Variants in DPPA4 observed in about 807,000 individuals in gnomAD.
DPPA4 encodes developmental pluripotency associated 4, also known as developmental pluripotency-associated protein 4.
DPPA4 carries 22 observed loss-of-function variants against 33.7 expected under a neutral mutation model. The ratio of observed to expected loss-of-function variants is 0.65; its 90% confidence interval spans 0.47 to 0.93. DPPA4 has a LOEUF of 0.93. DPPA4 is among the 40% of genes least tolerant of loss of function. DPPA4 has a pLI of 0.00. For missense variants in DPPA4, 340 were observed against 358.6 expected, an observed-to-expected ratio of 0.95 and a Z score of 0.42; for synonymous variants, 156 against 132.3, an observed-to-expected ratio of 1.18 and a Z score of -1.23.
intron 6 of DPPA4, 86 bp downstream of exon 6, chr3:109,328,804 T>C (rs1707990139): frequency 2.5e-6 from 3 of 1,185,002 alleles, no homozygotes; most frequent in Non-Finnish European, 3.6e-6. Context: ...AATACCTGGC[T>C]ATTTAAGATT....
Position 109,332,006 on chromosome 3 carries a change from C to T in DPPA4, c.204G>A (p.Glu68=). The T allele has an allele frequency of 6.2e-7, 1 of 1,613,826 alleles. No homozygotes were observed. The highest frequency in any genetic ancestry group is 1.1e-5 in the South Asian group (1 of 91,040). Residue 68 remains glutamate, a synonymous_variant, in exon 3 of 7, where the codon GAG becomes GAA. Coordinates refer to ENST00000335658, the MANE Select transcript of DPPA4 (RefSeq NM_018189.4). ...SKVLCPKKKA[E]HTDNPRPQKK... ...TCTGAGGTCTGGGGTTGTCAGTGTG[C>T]TCTGCCTTTTTCTTAGGGCAGAGCA...
chr3:109,329,808 A>G (rs1708019169), intron 5 of DPPA4: 1 of 152,422 alleles, frequency 6.6e-6, no homozygotes, highest in South Asian at 2.1e-4. Context: ...GAAATATTTT[A>G]AATAACTTAT....
rs1707931727 is a variant in DPPA4, at chr3:109,326,243, A to G, written c.*1745T>C. On this transcript the variant is annotated 3_prime_UTR_variant, in exon 7 of 7. Transcript: ENST00000335658. ...TATCTACAAGCAGAATCGTAAAGCC[A>G]AGGACATTTCCAAATTAATAGAAAG... is the stretch of plus-strand genomic sequence containing the variant. 1 of 151,442 alleles carries G rather than the reference A, an allele frequency of 6.6e-6. No homozygotes were observed. Among genetic ancestry groups the G allele is most frequent in the Admixed American group, 6.6e-5 (1 of 15,248 alleles). 9.4% of individuals were successfully genotyped at this position (151,442 alleles called of 1,614,324 possible).
At position 109,330,683 on chromosome 3, in the gene DPPA4, C is replaced by A. The variant is rs1303329378; in HGVS notation, c.520G>T (p.Gly174Trp). The A allele has an allele frequency of 1.2e-6, 2 of 1,614,014 alleles. No individual in the cohort carries two copies. The highest frequency in any genetic ancestry group is 1.7e-6 in the Non-Finnish European group (2 of 1,180,012). The change falls in exon 5 of 7, where the codon GGG becomes TGG. Residue 174 changes from glycine (G) to tryptophan (W), a missense_variant. By Grantham distance (184) the Gly-to-Trp change is radical. Around this residue, in one of 3 missense-constraint regions of DPPA4, gnomAD observed 212 missense variants for 206.5 expected, o/e 1.03. Coordinates refer to ENST00000335658, the MANE Select transcript of DPPA4 (RefSeq NM_018189.4). ...GAATTTTCCAGGGCAGGCGGCTCCC[C>A]CACAGGAGGAAGAGCCACTTCAGGA... Reference protein sequence around the residue: ...HPPEVALPPVGEPPALENSTA... With the variant: ...HPPEVALPPVWEPPALENSTA...
At chr3:109,338,120 G>GT (rs1708249990), upstream of DPPA4, among the ~76,000 whole-genome samples, 1 of 152,056 alleles carries the variant, frequency 6.6e-6, no homozygotes, top group African/African-American at 2.4e-5. Flanking sequence ...CAAGTGGGGG[G>GT]GTCTGGCTAT....
upstream of DPPA4, among the ~76,000 whole-genome samples, chr3:109,337,739 C>T (rs1173040489): frequency 6.6e-6 from 1 of 152,018 alleles, no homozygotes; most frequent in Admixed American, 6.6e-5. Context: ...CTTTTCTGTT[C>T]ACTTTAAATG....
At chr3:109,328,203 A>G (rs192911777) in intron 6 of DPPA4, among the ~76,000 whole-genome samples, 179 bp from the exon 7 acceptor site, 21 of 152,226 alleles carry the variant, frequency 1.4e-4, no homozygotes, top group Admixed American at 2.0e-4. Flanking sequence ...ATGCCTCTGT[A>G]ATATATTCCC....
rs760118460 is a variant in DPPA4, at chr3:109,331,749, G to A, written c.375C>T (p.Ala125=). ...AAAAAGTTACCTTTTGATTTGGGTAGGCAAAGGCACACAGGCGCTTATATG... is the reference window on the plus strand; with the variant it reads ...AAAAAGTTACCTTTTGATTTGGGTAAGCAAAGGCACACAGGCGCTTATATG... ...LDAYKRLCAF[A]YPNQKDFPST... Residue 125 remains alanine (A), a synonymous_variant, in exon 4 of 7, where the codon GCC becomes GCT. Transcript: ENST00000335658. The A allele has an allele frequency of 6.2e-7, 1 of 1,613,836 alleles. No homozygotes were observed. Among genetic ancestry groups the A allele is most frequent in the Non-Finnish European group, 8.5e-7 (1 of 1,179,990 alleles).
At chr3:109,331,564 A>AAAAAAAAAAAAAAAAG (rs1559708949) in intron 4 of DPPA4, among the ~76,000 whole-genome samples, 170 bp downstream of exon 4, 2 of 106,104 alleles carry the variant, frequency 1.9e-5, no homozygotes, top group Non-Finnish European at 3.7e-5. Context: ...AAAAAAAAAA[A>AAAAAAAAAAAAAAAAG]AAAGAAAGAA....
At chr3:109,338,535 T>C (rs1241663718), upstream of DPPA4, among the ~76,000 whole-genome samples, 1 of 152,178 alleles carries the variant, frequency 6.6e-6, no homozygotes, top group Non-Finnish European at 1.5e-5. Flanking sequence ...TTTGGTTTAC[T>C]TTGTTGTTTT....
At position 109,328,882 on chromosome 3, in the gene DPPA4, G is replaced by GT; in HGVS notation, c.878+7dup. 6.2e-7 allele frequency: 1 copy of GT among 1,610,604 alleles called. No individual in the cohort carries two copies. The highest frequency in any genetic ancestry group is 2.2e-5 in the East Asian group (1 of 44,806). ...CTTTTAGTTTGTAGAAAAGCATCAG[G>GT]TAATTACCTGTGAACACATTTGGGG... is the stretch of plus-strand genomic sequence containing the variant. On this transcript the variant is annotated splice_region_variant and intron_variant, in intron 6 of 6. Transcript: ENST00000335658.
Position 109,331,960 on chromosome 3 carries a change from A to T in DPPA4, c.250T>A (p.Leu84Ile). 1 of 1,614,066 alleles carries T rather than the reference A, an allele frequency of 6.2e-7. No individual in the cohort carries two copies. Among genetic ancestry groups the T allele is most frequent in the Non-Finnish European group, 8.5e-7 (1 of 1,179,990 alleles). The change falls in exon 3 of 7, where the codon TTA (leucine) becomes ATA (isoleucine). Residue 84 changes from leucine (L) to isoleucine (I), a missense_variant. Leu to Ile is a conservative substitution (Grantham distance 5, BLOSUM62 2). Transcript: ENST00000335658. ...RPQKKIPIPPLPSKLPPVNLI... is the reference protein window; with the variant it reads ...RPQKKIPIPPIPSKLPPVNLI... ...TTAACAGGTGGCAGTTTAGAAGGTA[A>T]TGGAGGGATTGGTATCTTCTTCTGA...
In DPPA4 at chr3:109,327,106, G is replaced by A. The variant is rs1252758663; in HGVS notation, c.*882C>T. On this transcript the variant is annotated 3_prime_UTR_variant, in exon 7 of 7. Transcript: ENST00000335658. ...AGTGAAATAATACAAAGTCCCTTGT[G>A]TTTTGATCCTGGAGTCAAACCATAG... The A allele has an allele frequency of 6.6e-6, 1 of 152,094 alleles. No homozygotes were observed. The highest frequency in any genetic ancestry group is 2.4e-5 in the African/African-American group (1 of 41,400). 9.4% of individuals were successfully genotyped at this position (152,094 alleles called of 1,614,324 possible). A position where few individuals can be genotyped will look rare whatever the true frequency, so the allele number is the denominator to read the frequency against.
At position 109,330,568 on chromosome 3, in the gene DPPA4, C is replaced by G; in HGVS notation, c.635G>C (p.Arg212Thr). 3 of 1,613,978 alleles carry G rather than the reference C, an allele frequency of 1.9e-6. No homozygotes were observed. Among genetic ancestry groups the G allele is most frequent in the Non-Finnish European group, 2.5e-6 (3 of 1,180,000 alleles). Residue 212 changes from arginine to threonine, a missense_variant, in exon 5 of 7, where the codon AGG becomes ACG. Coordinates refer to ENST00000335658, the MANE Select transcript of DPPA4 (RefSeq NM_018189.4). ...LLASWARISA[R>T]ARTPEAVESP... ...TTCCACTGCCTCTGGTGTCCTCGCC[C>G]TGGCTGAAATTCTCGCCCAGGAGGC...
In DPPA4 at chr3:109,326,847, A is replaced by G. The variant is rs2107334481; in HGVS notation, c.*1141T>C. ...AAAGAACAAACGAGTCATACAAAAG[A>G]AAAATCACACTTTTTGGTTTACTCC... is the stretch of plus-strand genomic sequence containing the variant. On this transcript the variant is annotated 3_prime_UTR_variant, in exon 7 of 7. Coordinates refer to ENST00000335658, the MANE Select transcript of DPPA4 (RefSeq NM_018189.4). 1 of 152,330 alleles carries G rather than the reference A, an allele frequency of 6.6e-6. No homozygotes were observed. Among genetic ancestry groups the G allele is most frequent in the Non-Finnish European group, 1.5e-5 (1 of 68,026 alleles). 9.4% of individuals were successfully genotyped at this position (152,330 alleles called of 1,614,324 possible).
rs1707969964 is a variant in DPPA4 at position 109,327,792 on chromosome 3, G to A, written c.*196C>T. 2.1e-6 allele frequency: 1 copy of A among 482,786 alleles called. No homozygotes were observed. Among genetic ancestry groups the A allele is most frequent in the Non-Finnish European group, 3.7e-6 (1 of 270,446 alleles). 29.9% of individuals were successfully genotyped at this position (482,786 alleles called of 1,614,324 possible). On this transcript the variant is annotated 3_prime_UTR_variant, in exon 7 of 7. Transcript: ENST00000335658. ...GTGAAATGTTTTTCCATTTTTAAAT[G>A]TAAGAGTCTCTATCTCCACTCACAA...
In DPPA4 at chr3:109,332,047, A is replaced by G; in HGVS notation, c.179-16T>C. ...GGGCAGAGCACTGAAGCAGAATGGA[A>G]TCAAATGAGTAGTAATTATCTTTGT... On this transcript the variant is annotated splice_polypyrimidine_tract_variant and intron_variant, in intron 2 of 6. Coordinates refer to ENST00000335658, the MANE Select transcript of DPPA4 (RefSeq NM_018189.4). 6.4e-7 allele frequency: 1 copy of G among 1,574,344 alleles called. No homozygotes were observed. Among genetic ancestry groups the G allele is most frequent in the East Asian group, 2.3e-5 (1 of 44,440 alleles).
rs1399408528 is a variant in DPPA4 at position 109,326,209 on chromosome 3, C to G, written c.*1779G>C. The G allele has an allele frequency of 6.7e-6, 1 of 148,532 alleles. No homozygotes were observed. 9.2% of individuals were successfully genotyped at this position (148,532 alleles called of 1,614,324 possible). On this transcript the variant is annotated 3_prime_UTR_variant, in exon 7 of 7. Transcript: ENST00000335658. Reference sequence around the variant, plus strand: ...TAAGTTTATTGAAATGTGTTAGAAGCAGGGGAAGTATCTACAAGCAGAATC... The same window carrying G: ...TAAGTTTATTGAAATGTGTTAGAAGGAGGGGAAGTATCTACAAGCAGAATC...
chr3:109,331,654 A>G, intron 4 of DPPA4, 80 bp downstream of exon 4: 1 of 1,344,044 alleles, frequency 7.4e-7, no homozygotes, highest in South Asian at 1.2e-5. Context: ...GGTGAGGCTA[A>G]GACAGTTCCT....
Sources: allele counts gnomAD v4.1 joint callset (sites outside exome capture counted in the v4.1 genomes callset), GRCh38; gene constraint gnomAD v4.1.1; regional missense constraint gnomAD v4.1.1; transcripts MANE v1.5; gene names NCBI Gene and HGNC (gene_info 2026-07-23, HGNC 2026-07-21).